NUAK1: variants seen among roughly 807,000 people sequenced by gnomAD.
NUAK1 encodes the protein NUAK family kinase 1.
In NUAK1, 26 loss-of-function variants were observed where a neutral mutation model predicts 56.9. The ratio of observed to expected loss-of-function variants is 0.46; its 90% CI spans 0.33 to 0.63. NUAK1 has a LOEUF of 0.63. Ranked by LOEUF, NUAK1 falls within the 30% of genes least tolerant of loss-of-function variation. The pLI, the probability that NUAK1 is intolerant of heterozygous loss-of-function variation, is 0.02. For synonymous variants in NUAK1, 337 were observed against 336.0 expected (o/e 1.00, Z -0.03); for missense variants, 727 against 876.1 (o/e 0.83, Z 2.15).
chr12:106,111,921 A>AG (rs2032863242), intron 1 of NUAK1, among the ~76,000 whole-genome samples: 2 of 141,726 alleles, frequency 1.4e-5, no homozygotes, highest in Non-Finnish European at 3.0e-5. Flanking sequence ...AAAAAAAAAA[A>AG]GTGGAGCTAG....
rs947845293 is a variant in NUAK1 at position 106,111,114 on chromosome 12, C to T, written c.241-4589G>A. On this transcript the variant is annotated intron_variant, in intron 1 of 6. Coordinates refer to ENST00000261402, the MANE Select transcript of NUAK1 (RefSeq NM_014840.3). ...GCCCAAACTTCCCAGGTCTCGGTTT[C>T]CTCACCTGTAAAATGGGGTTACAAA... is the stretch of plus-strand genomic sequence containing the variant. 4.3e-4 allele frequency among the ~76,000 whole-genome samples: 65 copies of T among 152,124 alleles called. 2 individuals are homozygous for T. Among genetic ancestry groups the T allele is most frequent in the Admixed American group, 3.7e-3 (56 of 15,270 alleles).
At chr12:106,084,004 G>C in intron 3 of NUAK1, 75 bp from the exon 4 acceptor site, 1 of 1,275,920 alleles carries the variant, frequency 7.8e-7, no homozygotes, top group Non-Finnish European at 1.1e-6. Flanking sequence ...GGAAGGAGGA[G>C]GGTGAGCAAA....
At chr12:106,070,738 C>T in intron 6 of NUAK1, 36 bp downstream of exon 6, 3 of 1,613,066 alleles carry the variant, frequency 1.9e-6, no homozygotes, top group Non-Finnish European at 2.5e-6. Context: ...ATCTCTCTCC[C>T]CTCCACCTCT....
At chr12:106,106,132 T>G in intron 2 of NUAK1, 1 of 272,198 alleles carries the variant, frequency 3.7e-6, no homozygotes, top group East Asian at 6.6e-5. Flanking sequence ...CAAACTGGCT[T>G]TCAATAAGGT....
intron 2 of NUAK1, among the ~76,000 whole-genome samples, chr12:106,088,024 C>T (rs17038104): frequency 0.018 from 2,697 of 152,300 alleles, 84 homozygotes; most frequent in African/African-American, 0.062. Context: ...CTTGTAAATG[C>T]TTCTTTCTAC....
At chr12:106,106,033 A>C (rs567671043) in intron 2 of NUAK1, 21 of 160,404 alleles carry the variant, frequency 1.3e-4, no homozygotes, top group Admixed American at 3.8e-4. Context: ...CAGCAAAGCG[A>C]CTGGCTTTGG....
chr12:106,115,332 T>A (rs1478328114), intron 1 of NUAK1, among the ~76,000 whole-genome samples: 1 of 152,238 alleles, frequency 6.6e-6, no homozygotes, highest in Non-Finnish European at 1.5e-5. Context: ...TAATCATGAA[T>A]GGTTTTATAA....
intron 2 of NUAK1, among the ~76,000 whole-genome samples, chr12:106,088,081 G>C (rs1417068504): frequency 6.6e-6 from 1 of 152,208 alleles, no homozygotes; most frequent in African/African-American, 2.4e-5. Flanking sequence ...CAGGGTTCCA[G>C]GCAGATGGCC....
chr12:106,105,555 G>GA (rs2032792185), intron 2 of NUAK1, among the ~76,000 whole-genome samples: 1 of 151,814 alleles, frequency 6.6e-6, no homozygotes, highest in Non-Finnish European at 1.5e-5. Context: ...GACAACAAAT[G>GA]AAAAAAGAAT....
At chr12:106,123,787 A>G (rs1332445568) in intron 1 of NUAK1, among the ~76,000 whole-genome samples, 1 of 152,202 alleles carries the variant, frequency 6.6e-6, no homozygotes, top group Non-Finnish European at 1.5e-5. Context: ...GCCAGGCCAC[A>G]GCTGCCAAAG....
chr12:106,070,648 G>T, intron 6 of NUAK1, 126 bp downstream of exon 6: 1 of 1,275,162 alleles, frequency 7.8e-7, no homozygotes, highest in Non-Finnish European at 1.1e-6. Context: ...TGACACTTCT[G>T]GGAAGAAGAA....
intron 1 of NUAK1, among the ~76,000 whole-genome samples, chr12:106,118,246 A>G (rs767715750): frequency 3.9e-5 from 6 of 152,204 alleles, no homozygotes; most frequent in Non-Finnish European, 8.8e-5. Flanking sequence ...GAAATTTTGC[A>G]GGAGAGGAAA....
chr12:106,127,620 A>G (rs1306476397), intron 1 of NUAK1, among the ~76,000 whole-genome samples: 4 of 152,128 alleles, frequency 2.6e-5, no homozygotes, highest in Non-Finnish European at 5.9e-5. Context: ...ACATAGGCTG[A>G]CAGTCTACAC....
At chr12:106,094,404 C>G (rs1257855764) in intron 2 of NUAK1, among the ~76,000 whole-genome samples, 2 of 152,214 alleles carry the variant, frequency 1.3e-5, no homozygotes, top group Non-Finnish European at 2.9e-5. Flanking sequence ...AGACTGTCTG[C>G]AAACCAGTTG....
At chr12:106,121,305 T>C (rs1169293787) in intron 1 of NUAK1, among the ~76,000 whole-genome samples, 1 of 152,202 alleles carries the variant, frequency 6.6e-6, no homozygotes, top group East Asian at 1.9e-4. Context: ...CTGCATCACT[T>C]AGTGTATCTT....
intron 3 of NUAK1, among the ~76,000 whole-genome samples, chr12:106,084,463 C>A (rs1357689544): frequency 2.0e-5 from 3 of 152,206 alleles, no homozygotes; most frequent in Non-Finnish European, 2.9e-5. Context: ...CCTAAGCAAC[C>A]TGGAGAGAAG....
chr12:106,126,755 G>A (rs551236666), intron 1 of NUAK1, among the ~76,000 whole-genome samples: 8 of 152,276 alleles, frequency 5.3e-5, no homozygotes, highest in Admixed American at 3.9e-4. Flanking sequence ...CTTGCCTCTA[G>A]CCTACCTGTC....
chr12:106,115,037 A>G (rs10492351), intron 1 of NUAK1, among the ~76,000 whole-genome samples: 9,645 of 152,300 alleles, frequency 0.063, 367 homozygotes, highest in Non-Finnish European at 0.075. Flanking sequence ...TCACCCATGA[A>G]TACGCATACT....
intron 1 of NUAK1, among the ~76,000 whole-genome samples, chr12:106,134,877 A>G (rs577038069): frequency 2.6e-5 from 4 of 152,302 alleles, no homozygotes; most frequent in African/African-American, 9.6e-5. Flanking sequence ...TCCTATGGAC[A>G]CACCTCCCTA....
Sources: allele counts gnomAD v4.1 joint callset (sites outside exome capture counted in the v4.1 genomes callset), GRCh38; gene constraint gnomAD v4.1.1; transcripts MANE v1.5; gene names NCBI Gene and HGNC (gene_info 2026-07-23, HGNC 2026-07-21).